ZNF326: variants seen among roughly 807,000 people sequenced by gnomAD.
ZNF326 encodes DBIRD complex subunit ZNF326.
In ZNF326, 30 loss-of-function variants were observed where a neutral mutation model predicts 63.1. That is an observed-to-expected ratio of 0.48 (90% confidence interval 0.36 to 0.64). ZNF326 has a LOEUF of 0.64. Among genes scored for constraint, ZNF326 ranks in the 30% least tolerant of loss-of-function variants. The probability of loss-of-function intolerance (pLI) is 0.00; values close to 1 mark genes in which losing one functional copy is unlikely to be tolerated. For synonymous variants in ZNF326, 194 were observed against 228.2 expected (o/e 0.85, Z 1.35); for missense variants, 609 against 720.3 (o/e 0.85, Z 1.77).
intron 11 of ZNF326, among the ~76,000 whole-genome samples, chr1:90,027,059 GTA>G (rs932549915): frequency 1.9e-5 from 2 of 103,782 alleles, no homozygotes; most frequent in South Asian, 3.4e-4. Flanking sequence ...TTTGTCATGT[GTA>G]TATATGTGTG....
chr1:90,002,287 AAC>A (rs1201600469), intron 2 of ZNF326, among the ~76,000 whole-genome samples: 8 of 152,206 alleles, frequency 5.3e-5, no homozygotes, highest in African/African-American at 1.7e-4. Context: ...CACAGTGCCT[AAC>A]ACATACATGG....
intron 7 of ZNF326, among the ~76,000 whole-genome samples, chr1:90,015,857 T>C (rs556410801): frequency 7.9e-5 from 12 of 152,218 alleles, no homozygotes; most frequent in African/African-American, 2.6e-4. Flanking sequence ...TTTAGAAAAT[T>C]GAAAGCAGTG....
Position 90,007,636 on chromosome 1 carries a change from T to C in ZNF326, c.501T>C (p.Pro167=). The C allele has an allele frequency of 6.3e-7, 1 of 1,575,918 alleles. No individual in the cohort carries two copies. The highest frequency in any genetic ancestry group is 8.6e-7 in the Non-Finnish European group (1 of 1,161,014). The part of the protein sequence containing the change: ...YSSFSSPHMK[P]APVGSRGRGT... ...GTTTTTCTTCACCCCATATGAAGCC[T>C]GCACCTGTAGGCTCTCGGGGGAGAG... The change falls in exon 5 of 12, where the codon CCT becomes CCC. Residue 167 remains proline (P), a synonymous_variant. Coordinates refer to ENST00000340281, the MANE Select transcript of ZNF326 (RefSeq NM_182976.4). This position sits in a 1 kb window ranked among gnomAD's most constrained non-coding sequence, Gnocchi z 4.9.
At chr1:90,005,448 G>A (rs1367300454) in intron 4 of ZNF326, 3 of 1,303,554 alleles carry the variant, frequency 2.3e-6, no homozygotes, top group Non-Finnish European at 2.9e-6. Flanking sequence ...GAAAACACCA[G>A]ATAACTATAT....
chr1:90,006,870 A>G (rs1198074308), intron 4 of ZNF326, among the ~76,000 whole-genome samples: 2 of 152,220 alleles, frequency 1.3e-5, no homozygotes, highest in Non-Finnish European at 2.9e-5. Flanking sequence ...GGAGTGCAAA[A>G]GGATCTCTCT....
chr1:90,011,313 A>G (rs1186673998), intron 6 of ZNF326, among the ~76,000 whole-genome samples: 1 of 152,206 alleles, frequency 6.6e-6, no homozygotes, highest in African/African-American at 2.4e-5. Context: ...GCTATAGTAT[A>G]GACTATGTGA....
chr1:90,024,089 C>T (rs1164872501), intron 11 of ZNF326, among the ~76,000 whole-genome samples: 2 of 152,130 alleles, frequency 1.3e-5, no homozygotes, highest in Non-Finnish European at 2.9e-5. Flanking sequence ...CTGCTGTGTT[C>T]CCTGTTGTCA....
intron 11 of ZNF326, 109 bp from the exon 12 acceptor site, chr1:90,027,245 A>AG: frequency 1.0e-6 from 1 of 989,932 alleles, no homozygotes; most frequent in Non-Finnish European, 1.5e-6. Context: ...TACAATGAAA[A>AG]GTTTCAAAAT....
chr1:90,013,371 T>C (rs1649346267), intron 7 of ZNF326, 134 bp downstream of exon 7: 1 of 677,516 alleles, frequency 1.5e-6, no homozygotes, highest in Admixed American at 4.0e-5. Context: ...GAGGAATGCT[T>C]TTGGTTTTTG....
At position 90,034,030 on chromosome 1, in the gene ZNF326, A is replaced by G. The variant is rs574676905; in HGVS notation, c.*6329A>G. ...ACAATGAAAAAGTCATGCAGGATGAATACTGACAAAATATGTGTAATCCCA... is the reference window on the plus strand; with the variant it reads ...ACAATGAAAAAGTCATGCAGGATGAGTACTGACAAAATATGTGTAATCCCA... On this transcript the variant is annotated 3_prime_UTR_variant, in exon 12 of 12. Coordinates refer to ENST00000340281, the MANE Select transcript of ZNF326 (RefSeq NM_182976.4). 1 of 152,272 alleles carries G rather than the reference A, an allele frequency of 6.6e-6. No homozygotes were observed. The highest frequency in any genetic ancestry group is 2.4e-5 in the African/African-American group (1 of 41,562). The allele number at this position is 152,272 out of a possible 1,614,324, so 9.4% of individuals were successfully genotyped here.
chr1:90,025,190 A>G (rs1649957409), intron 11 of ZNF326, among the ~76,000 whole-genome samples: 1 of 152,096 alleles, frequency 6.6e-6, no homozygotes, highest in South Asian at 2.1e-4. Flanking sequence ...CAACCAGAGG[A>G]ATGTGTTCAA....
chr1:89,999,862 A>G (rs559038865), intron 2 of ZNF326, among the ~76,000 whole-genome samples: 14 of 152,338 alleles, frequency 9.2e-5, no homozygotes, highest in African/African-American at 2.9e-4. Context: ...GGAGGTGGGA[A>G]TATAGCAGTG....
At position 90,018,747 on chromosome 1, in the gene ZNF326, A is replaced by G. The variant is rs1649619484; in HGVS notation, c.1137A>G (p.Thr379=). Residue 379 remains threonine, a synonymous_variant, in exon 9 of 12, where the codon ACA becomes ACG. Coordinates refer to ENST00000340281, the MANE Select transcript of ZNF326 (RefSeq NM_182976.4). ...GTAAGCAACAGACAAATAATCAAAC[A>G]GAAGTAGTTAAAATAATTGAAAAAG... ...SIRKQQTNNQ[T]EVVKIIEKDV... is the part of the protein sequence containing the mutation. 3.2e-6 allele frequency: 5 copies of G among 1,576,604 alleles called. No homozygotes were observed. In the South Asian group the frequency reaches 4.6e-5, roughly 15 times the overall value.
chr1:90,005,302 T>G, intron 4 of ZNF326, 58 bp downstream of exon 4: 4 of 1,572,142 alleles, frequency 2.5e-6, no homozygotes, highest in South Asian at 1.2e-5. Flanking sequence ...TTGGATATAT[T>G]ATTTTAAGTA....
chr1:90,020,821 G>T lies in ZNF326; in HGVS notation c.1204G>T (p.Val402Leu). Residue 402 changes from valine (V) to leucine (L), a missense_variant, in exon 10 of 12, where the codon GTA becomes TTA. Around this residue, in one of 3 missense-constraint regions of ZNF326, gnomAD observed 399 missense variants for 444.3 expected, o/e 0.90. Coordinates refer to ENST00000340281, the MANE Select transcript of ZNF326 (RefSeq NM_182976.4). ...GVTVDDHMMK[V>L]ETVHCSACSV... ...TACTGTAGATGATCACATGATGAAG[G>T]TAGAGACAGTTCATTGCAGCGCTTG... The T allele has an allele frequency of 6.2e-7, 1 of 1,612,600 alleles. No individual in the cohort carries two copies. The highest frequency in any genetic ancestry group is 1.1e-5 in the South Asian group (1 of 90,944).
Position 89,995,214 on chromosome 1 carries a change from G to T in ZNF326, c.-44G>T. ...TCGCGGACGCTCGCCGCCGGCCATA[G>T]CTCAGCCTAGCGCCGCCAAGGCCGA... On this transcript the variant is annotated 5_prime_UTR_variant, in exon 1 of 12. Coordinates refer to ENST00000340281, the MANE Select transcript of ZNF326 (RefSeq NM_182976.4). 1 of 1,535,084 alleles carries T rather than the reference G, an allele frequency of 6.5e-7. No homozygotes were observed. The highest frequency in any genetic ancestry group is 8.7e-7 in the Non-Finnish European group (1 of 1,143,888).
intron 1 of ZNF326, among the ~76,000 whole-genome samples, chr1:89,997,639 G>C (rs1427862606): frequency 6.6e-6 from 1 of 152,192 alleles, no homozygotes; most frequent in Admixed American, 6.5e-5. Context: ...CCCAAGTGCT[G>C]GGATTACAGG....
At chr1:90,010,833 G>A (rs991914991) in intron 6 of ZNF326, among the ~76,000 whole-genome samples, 1 of 151,946 alleles carries the variant, frequency 6.6e-6, no homozygotes, top group Non-Finnish European at 1.5e-5. Flanking sequence ...ATTTGAAAAA[G>A]GTTTAAAAGG....
At position 90,027,065 on chromosome 1, in the gene ZNF326, A is replaced by ATGTGTG. The variant is rs59960066; in HGVS notation, c.1402-271_1402-266dup. Among the ~76,000 whole-genome samples the ATGTGTG allele has an allele frequency of 5.0e-3, 750 of 149,300 alleles. 12 individuals carry two copies. The highest frequency in any genetic ancestry group is 0.017 in the African/African-American group (699 of 40,640). On this transcript the variant is annotated intron_variant, in intron 11 of 11. Transcript: ENST00000340281. ...ACACTTGTCTTTGTCATGTGTATAT[A>ATGTGTG]TGTGTGTGTGTGTGTGTGTGTGTAT...
Sources: gnomAD v4.1 joint callset for allele counts (sites outside exome capture counted in the v4.1 genomes callset) on GRCh38, gnomAD v4.1.1 for gene constraint, gnomAD v4.1.1 regional missense constraint, Gnocchi (gnomAD v3.1) non-coding constraint, MANE v1.5 for transcripts, NCBI Gene and HGNC (gene_info 2026-07-23, HGNC 2026-07-21) for gene names.